Variants in NUB1 observed in about 807,000 individuals in gnomAD.
NUB1 encodes the protein negative regulator of ubiquitin like proteins 1.
Under a neutral mutation model 77.1 loss-of-function variants are expected in NUB1, and 41 were observed. That is an observed-to-expected ratio of 0.53 (90% CI 0.41 to 0.69). The LOEUF (loss-of-function observed/expected upper bound fraction) is 0.69. Ranked by LOEUF, NUB1 falls within the 30% of genes least tolerant of loss-of-function variation. NUB1 has a pLI of 0.00. For missense variants in NUB1, 643 were observed against 743.8 expected (o/e 0.86, Z 1.58); for synonymous variants, 257 against 281.0 (o/e 0.91, Z 0.85).
intron 5 of NUB1, among the ~76,000 whole-genome samples, chr7:151,354,162 A>G (rs1195183029): frequency 4.6e-5 from 7 of 152,016 alleles, no homozygotes; most frequent in Admixed American, 4.6e-4. Context: ...TTCTTCCTAT[A>G]TAATTCATTA....
At chr7:151,352,251 A>G (rs394259) in intron 4 of NUB1, 378,966 of 446,850 alleles carry the variant, frequency 0.85, 161,406 homozygotes, top group East Asian at 0.99. Context: ...ATGGATCTAC[A>G]GCACTGTGGT....
At chr7:151,354,206 A>G (rs1339204368) in intron 5 of NUB1, among the ~76,000 whole-genome samples, 1 of 151,360 alleles carries the variant, frequency 6.6e-6, no homozygotes, top group Non-Finnish European at 1.5e-5. Flanking sequence ...ATTGGTGGTG[A>G]CCCTTTTTGG....
At chr7:151,370,985 G>A (rs1292814314) in intron 11 of NUB1, among the ~76,000 whole-genome samples, 1 of 152,136 alleles carries the variant, frequency 6.6e-6, no homozygotes, top group Non-Finnish European at 1.5e-5. Context: ...CCACAGGACA[G>A]GTACTTCTCA....
chr7:151,375,780 G>A (rs1271572233), intron 12 of NUB1, 68 bp from the exon 13 acceptor site: 4 of 1,044,316 alleles, frequency 3.8e-6, no homozygotes, highest in South Asian at 1.3e-5. Context: ...ACATGGCAGG[G>A]TGCAGCGCCT....
intron 5 of NUB1, among the ~76,000 whole-genome samples, chr7:151,355,442 GGT>G (rs1406866647): frequency 1.3e-5 from 2 of 152,242 alleles, no homozygotes; most frequent in Admixed American, 6.5e-5. Flanking sequence ...GTGAGGCTGA[GGT>G]GGGAGGATCA....
rs549105880 is a variant in NUB1 at position 151,363,966 on chromosome 7, G to T, written c.801-2973G>T. On this transcript the variant is annotated intron_variant, in intron 8 of 14. Transcript: ENST00000568733. ...CCACTACCACTCCCGACTAGTTTTT[G>T]TATTTTTAGTAGAGACGGGGTTTCA... Among the ~76,000 whole-genome samples the T allele has an allele frequency of 2.2e-3, 326 of 151,512 alleles. 2 individuals carry two copies. Among genetic ancestry groups the T allele is most frequent in the African/African-American group, 7.5e-3 (312 of 41,374 alleles).
intron 11 of NUB1, among the ~76,000 whole-genome samples, chr7:151,371,797 G>A (rs1323150359): frequency 2.0e-5 from 3 of 152,176 alleles, no homozygotes; most frequent in East Asian, 1.9e-4. Context: ...AGGCTGGAGG[G>A]CAGTGGCGTG....
intron 7 of NUB1, among the ~76,000 whole-genome samples, chr7:151,358,830 C>T (rs1015826023): frequency 1.1e-4 from 17 of 151,582 alleles, no homozygotes; most frequent in Non-Finnish European, 1.2e-4. Context: ...TTTGGGAGGC[C>T]GAGGTGGGTG....
At chr7:151,345,530 T>C (rs1009770830) in intron 2 of NUB1, 64 bp downstream of exon 2, 15 of 927,610 alleles carry the variant, frequency 1.6e-5, no homozygotes, top group Non-Finnish European at 2.3e-5. Flanking sequence ...AATAAGATTC[T>C]GAATTGTCAG....
rs1222914773 is a variant in NUB1 at position 151,349,113 on chromosome 7, A to C, written c.158A>C (p.Glu53Ala). 1.6e-5 allele frequency: 26 copies of C among 1,613,658 alleles called. No individual in the cohort carries two copies. Among genetic ancestry groups the C allele is most frequent in the Non-Finnish European group, 2.2e-5 (26 of 1,179,810 alleles). Residue 53 changes from glutamate (E) to alanine (A), a missense_variant, in exon 3 of 15, where the codon GAA (glutamate) becomes GCA (alanine). Transcript: ENST00000568733. ...KQYSDRLECC[E>A]NEVEKVIEEI... ...TACTCTGACAGACTAGAATGCTGTG[A>C]AAATGAAGTAGAAAAGGTAATAGAA...
In NUB1 at chr7:151,376,060, A is replaced by T. The variant is rs187004249; in HGVS notation, c.1491+117A>T. 1.2e-4 allele frequency: 87 copies of T among 728,952 alleles called. No individual in the cohort carries two copies. The African/African-American group carries it at 1.3e-3, about 11-fold the overall frequency. 45.2% of individuals were successfully genotyped at this position (728,952 alleles called of 1,614,324 possible). The stretch of plus-strand genomic sequence containing the variant: ...AGTCCGTGCTGAAACCTTGGCTCCC[A>T]GGCTCCAGGTGTAACCTGCCCACCT... On this transcript the variant is annotated intron_variant, in intron 13 of 14. Transcript: ENST00000568733.
chr7:151,344,247 A>G (rs947633928), intron 1 of NUB1, among the ~76,000 whole-genome samples: 1 of 150,090 alleles, frequency 6.7e-6, no homozygotes, highest in Non-Finnish European at 1.5e-5. Flanking sequence ...ATCAGAAAAT[A>G]TGCAAAATTT....
intron 8 of NUB1, among the ~76,000 whole-genome samples, chr7:151,363,319 GAGATGAAAAGTACAACATCCA>G (rs1038564064): frequency 3.3e-5 from 5 of 152,158 alleles, no homozygotes; most frequent in Non-Finnish European, 7.3e-5. Context: ...TAGAATGTAA[GAGATGAAAAGTACAACATCCA>G]AGATGAAAAG....
chr7:151,376,313 C>A, intron 13 of NUB1: 1 of 479,372 alleles, frequency 2.1e-6, no homozygotes, highest in Non-Finnish European at 3.8e-6. Context: ...TGTGCCCCTA[C>A]ACGCGTTAGC....
intron 2 of NUB1, 129 bp from the exon 3 acceptor site, chr7:151,348,944 G>A: frequency 1.4e-6 from 1 of 735,274 alleles, no homozygotes; most frequent in East Asian, 2.6e-5. Flanking sequence ...AAACCACAGT[G>A]TGGACTGCAG....
At chr7:151,367,755 C>T in intron 9 of NUB1, 106 bp from the exon 10 acceptor site, 1 of 688,768 alleles carries the variant, frequency 1.5e-6, no homozygotes, top group Non-Finnish European at 2.4e-6. Context: ...ATTTTAATAC[C>T]TATCATGTTG....
chr7:151,351,967 T>G, intron 4 of NUB1: 3 of 390,380 alleles, frequency 7.7e-6, no homozygotes, highest in Non-Finnish European at 1.6e-5. Context: ...ATCCTAACTT[T>G]GAGATCTGGT....
chr7:151,373,037 A>G (rs1239335183), intron 11 of NUB1, among the ~76,000 whole-genome samples: 1 of 152,148 alleles, frequency 6.6e-6, no homozygotes, highest in African/African-American at 2.4e-5. Flanking sequence ...TGGTTCCACA[A>G]TGATGATGCT....
Position 151,371,745 on chromosome 7 carries a change from C to T in NUB1, c.1249-2352C>T, listed in dbSNP as rs967528960. Among the ~76,000 whole-genome samples the T allele has an allele frequency of 4.6e-5, 7 of 152,298 alleles. 1 individual carries two copies. Among genetic ancestry groups the T allele is most frequent in the East Asian group, 1.9e-4 (1 of 5,184 alleles). On this transcript the variant is annotated intron_variant, in intron 11 of 14. Transcript: ENST00000568733. ...TGACTGAGCTGAATGTAAAACAATT[C>T]GTTCATGTTTTTGTTTGAGACAGAG...
Sources: gnomAD v4.1 joint callset for allele counts (sites outside exome capture counted in the v4.1 genomes callset) on GRCh38, gnomAD v4.1.1 for gene constraint, MANE v1.5 for transcripts, NCBI Gene and HGNC (gene_info 2026-07-23, HGNC 2026-07-21) for gene names.